NEMP2: variants seen among roughly 807,000 people sequenced by gnomAD.
NEMP2 encodes nuclear envelope integral membrane protein 2, also known as UPF0571 transmembrane protein.
A neutral mutation model predicts 54.2 loss-of-function variants in NEMP2; 53 were observed. The ratio of observed to expected loss-of-function variants is 0.98; its 90% CI spans 0.78 to 1.23. The LOEUF is 1.23. Among genes scored for constraint, NEMP2 ranks in the 50% most tolerant of loss-of-function variants. The probability of loss-of-function intolerance (pLI) is 0.00; values close to 1 mark genes in which losing one functional copy is unlikely to be tolerated. For synonymous variants in NEMP2, 197 were observed against 190.3 expected (o/e 1.04, Z -0.29); for missense variants, 455 against 511.3 (o/e 0.89, Z 1.06).
the NEMP2 span, among the ~76,000 whole-genome samples, chr2:190,482,903 T>TTTTTTTTTTTTTTTTTTTTTTTTTTTGG: frequency 1.2e-5 from 1 of 86,228 alleles, no homozygotes; most frequent in African/African-American, 4.5e-5. Flanking sequence ...TTTTTTTTTT[T>TTTTTTTTTTTTTTTTTTTTTTTTTTTGG]AGACGGAGTC....
At chr2:190,435,143 T>C in the NEMP2 span, among the ~76,000 whole-genome samples, 4 of 152,218 alleles carry the variant, frequency 2.6e-5, no homozygotes, top group African/African-American at 9.7e-5. Context: ...ACTACCATCG[T>C]AGAGAGCATG....
the NEMP2 span, chr2:190,477,409 A>T: frequency 1.1e-6 from 1 of 940,498 alleles, no homozygotes; most frequent in African/African-American, 1.8e-5. Context: ...ATGACTATAT[A>T]TTATAATAAT....
chr2:190,531,990 T>C lies in NEMP2; in HGVS notation c.97+2569A>G, dbSNP rs961515234. On this transcript the variant is annotated intron_variant, in intron 1 of 8. Coordinates refer to ENST00000409150, the MANE Select transcript of NEMP2 (RefSeq NM_001142645.2). This position sits in a 1 kb window ranked among gnomAD's most constrained non-coding sequence, Gnocchi z 4.7. Reference sequence around the variant, plus strand: ...GGCCCTCATATGGGGAAAAAAAATATCTTCAGATGAAACTAGAATGGAATC... The same window carrying C: ...GGCCCTCATATGGGGAAAAAAAATACCTTCAGATGAAACTAGAATGGAATC... 6.6e-6 allele frequency among the ~76,000 whole-genome samples: 1 copy of C among 151,994 alleles called. No individual in the cohort carries two copies. Among genetic ancestry groups the C allele is most frequent in the African/African-American group, 2.4e-5 (1 of 41,500 alleles).
chr2:190,587,495 T>C, the NEMP2 span, among the ~76,000 whole-genome samples: 3 of 152,172 alleles, frequency 2.0e-5, no homozygotes, highest in Non-Finnish European at 4.4e-5. The surrounding 1 kb of genome is among the most constrained non-coding windows in gnomAD (Gnocchi z 5.4). Flanking sequence ...CATGAAACTA[T>C]GGCAGGCTAA....
At chr2:190,601,623 T>C in the NEMP2 span, among the ~76,000 whole-genome samples, 1 of 152,164 alleles carries the variant, frequency 6.6e-6, no homozygotes, top group African/African-American at 2.4e-5. The surrounding 1 kb of genome is among the most constrained non-coding windows in gnomAD (Gnocchi z 5.8). Flanking sequence ...ATGAAAATAA[T>C]GATTGCTGAA....
At chr2:190,517,968 G>C (rs1690620612) in intron 4 of NEMP2, among the ~76,000 whole-genome samples, 1 of 152,186 alleles carries the variant, frequency 6.6e-6, no homozygotes, top group African/African-American at 2.4e-5. Context: ...TCTGCTCAGT[G>C]GAGGATTTGG....
chr2:190,510,497 T>A lies in NEMP2; in HGVS notation c.994A>T (p.Lys332Ter), dbSNP rs1300922170. ...CTGTACTCGTCTTCCGTAAGATATT[T>A]CACCACCAGCTCTTTTGATGTAAAC... is the stretch of plus-strand genomic sequence containing the variant. ...QWFTSKELVV[K>*]YLTEDEYREQ... is the part of the protein sequence containing the mutation. The change falls in exon 8 of 9, where the codon AAA (lysine) becomes TAA (stop). Residue 332 changes from lysine (K) to a stop codon, truncating the protein, a stop_gained. Coordinates refer to ENST00000409150, the MANE Select transcript of NEMP2 (RefSeq NM_001142645.2). LOFTEE classifies it high-confidence loss of function. The surrounding 1 kb of genome is among the most constrained non-coding windows in gnomAD (Gnocchi z 5.7). 2 of 1,552,008 alleles carry A rather than the reference T, an allele frequency of 1.3e-6. No homozygotes were observed. Among genetic ancestry groups the A allele is most frequent in the Non-Finnish European group, 1.7e-6 (2 of 1,147,072 alleles).
chr2:190,579,830 A>G, the NEMP2 span, among the ~76,000 whole-genome samples: 1 of 152,250 alleles, frequency 6.6e-6, no homozygotes, highest in Non-Finnish European at 1.5e-5. Flanking sequence ...TGAGAGATCC[A>G]GTCCAACTTA....
chr2:190,553,985 G>T, the NEMP2 span, among the ~76,000 whole-genome samples: 1 of 152,216 alleles, frequency 6.6e-6, no homozygotes, highest in Non-Finnish European at 1.5e-5. Context: ...ACTGGGACTG[G>T]TTGGGCAGTG....
the NEMP2 span, among the ~76,000 whole-genome samples, chr2:190,620,803 T>C: frequency 6.6e-6 from 1 of 152,112 alleles, no homozygotes; most frequent in Non-Finnish European, 1.5e-5. This position sits in a 1 kb window ranked among gnomAD's most constrained non-coding sequence, Gnocchi z 4.9. Flanking sequence ...AGCATCCATA[T>C]TGGAGAGTAA....
chr2:190,569,717 G>A, the NEMP2 span, among the ~76,000 whole-genome samples: 1 of 152,214 alleles, frequency 6.6e-6, no homozygotes, highest in East Asian at 1.9e-4. Context: ...AATACTTAGT[G>A]TACATGTGAA....
At chr2:190,498,107 T>C in the NEMP2 span, 4 of 180,112 alleles carry the variant, frequency 2.2e-5, no homozygotes, top group South Asian at 4.8e-4. The surrounding 1 kb of genome is among the most constrained non-coding windows in gnomAD (Gnocchi z 5.9). Context: ...TTGAATTAAT[T>C]AATCTGAGCC....
At chr2:190,495,420 T>A in the NEMP2 span, among the ~76,000 whole-genome samples, 1 of 152,318 alleles carries the variant, frequency 6.6e-6, no homozygotes, top group African/African-American at 2.4e-5. This position sits in a 1 kb window ranked among gnomAD's most constrained non-coding sequence, Gnocchi z 4.7. Context: ...ATGACCATAC[T>A]GCTAAAAGCA....
chr2:190,621,798 G>A, the NEMP2 span, among the ~76,000 whole-genome samples: 1 of 152,152 alleles, frequency 6.6e-6, no homozygotes, highest in Non-Finnish European at 1.5e-5. Flanking sequence ...CAAGGAGAAA[G>A]ACTATTCTTT....
chr2:190,429,109 G>A, the NEMP2 span, among the ~76,000 whole-genome samples: 1 of 151,954 alleles, frequency 6.6e-6, no homozygotes, highest in Non-Finnish European at 1.5e-5. Context: ...CTTTTGTGAG[G>A]TGCCTATTCA....
rs1349851237 is a variant in NEMP2 at position 190,510,640 on chromosome 2, G to A, written c.954-103C>T. 4 of 1,112,298 alleles carry A rather than the reference G, an allele frequency of 3.6e-6. No individual in the cohort carries two copies. The highest frequency in any genetic ancestry group is 5.2e-6 in the Non-Finnish European group (4 of 771,442). 68.9% of individuals were successfully genotyped at this position (1,112,298 alleles called of 1,614,324 possible). On this transcript the variant is annotated intron_variant, in intron 7 of 8. Transcript: ENST00000409150. The surrounding 1 kb of genome is among the most constrained non-coding windows in gnomAD (Gnocchi z 5.7). The stretch of plus-strand genomic sequence containing the variant: ...GCTCACGCCTGTAATCCAGCATTTT[G>A]GGAGGCCTGGGGAGGCGGATCACGA...
At chr2:190,490,889 T>A in the NEMP2 span, among the ~76,000 whole-genome samples, 55 of 152,330 alleles carry the variant, frequency 3.6e-4, no homozygotes, top group East Asian at 0.01. The surrounding 1 kb of genome is among the most constrained non-coding windows in gnomAD (Gnocchi z 4.5). Flanking sequence ...CAGATTTTAA[T>A]CTCAATGAGT....
chr2:190,516,250 T>C lies in NEMP2; in HGVS notation c.727+20A>G. On this transcript the variant is annotated intron_variant, in intron 6 of 8. Transcript: ENST00000409150. Reference sequence around the variant, plus strand: ...TCAGTTTTACCAATCACAGAGCATATTGTTTTTCTATTTACCTACCTAATA... The same window carrying C: ...TCAGTTTTACCAATCACAGAGCATACTGTTTTTCTATTTACCTACCTAATA... The C allele has an allele frequency of 6.6e-7, 1 of 1,507,396 alleles. No homozygotes were observed. The highest frequency in any genetic ancestry group is 2.5e-5 in the East Asian group (1 of 40,682). 93.4% of individuals were successfully genotyped at this position (1,507,396 alleles called of 1,614,324 possible).
chr2:190,495,467 C>A, the NEMP2 span, among the ~76,000 whole-genome samples: 1 of 151,992 alleles, frequency 6.6e-6, no homozygotes, highest in East Asian at 1.9e-4. The surrounding 1 kb of genome is among the most constrained non-coding windows in gnomAD (Gnocchi z 4.7). Flanking sequence ...CAAATACCAC[C>A]ATCATTCTTC....
Sources: gnomAD v4.1 joint callset for allele counts (sites outside exome capture counted in the v4.1 genomes callset) on GRCh38, gnomAD v4.1.1 for gene constraint, Gnocchi (gnomAD v3.1) non-coding constraint, MANE v1.5 for transcripts, NCBI Gene and HGNC (gene_info 2026-07-23, HGNC 2026-07-21) for gene names.